The following ATP10A variants were observed in gnomAD, a reference collection of about 807,000 sequenced individuals.
The protein encoded by ATP10A is ATPase phospholipid transporting 10A (putative), also known as phospholipid-transporting ATPase VA.
A neutral mutation model predicts 147.8 loss-of-function variants in ATP10A; 111 were observed. The ratio of observed to expected loss-of-function variants is 0.75; its 90% CI spans 0.64 to 0.88. ATP10A has a LOEUF of 0.88. Ranked by LOEUF, ATP10A falls within the 40% of genes least tolerant of loss-of-function variation. The pLI is 0.00. For missense variants in ATP10A, 1,927 were observed against 1,959.0 expected, an observed-to-expected ratio of 0.98 and a Z score of 0.31; for synonymous variants, 875 against 841.6, an observed-to-expected ratio of 1.04 and a Z score of -0.69.
chr15:25,803,262 A>G (rs1891020212), intron 1 of ATP10A, among the ~76,000 whole-genome samples: 1 of 152,178 alleles, frequency 6.6e-6, no homozygotes, highest in Admixed American at 6.5e-5. Context: ...TACCTGAATG[A>G]TGCTTCGCCC....
intron 3 of ATP10A, among the ~76,000 whole-genome samples, chr15:25,733,015 G>A (rs923212401): frequency 6.6e-6 from 1 of 152,166 alleles, no homozygotes; most frequent in Non-Finnish European, 1.5e-5. Context: ...TCCCAGGGAA[G>A]AGAAAGAGCC....
chr15:25,708,513 G>T, intron 10 of ATP10A: 1 of 519,748 alleles, frequency 1.9e-6, no homozygotes, highest in Non-Finnish European at 3.4e-6. Context: ...TAGAGACAGG[G>T]TTTTGCCACG....
At chr15:25,746,169 A>C (rs1208494408) in intron 2 of ATP10A, among the ~76,000 whole-genome samples, 1 of 152,186 alleles carries the variant, frequency 6.6e-6, no homozygotes, top group Admixed American at 6.5e-5. Flanking sequence ...AAGCTGAAAA[A>C]GATATAAATG....
chr15:25,837,408 C>A (rs1892641106), intron 1 of ATP10A, among the ~76,000 whole-genome samples: 1 of 152,184 alleles, frequency 6.6e-6, no homozygotes, highest in African/African-American at 2.4e-5. Context: ...GTGAAATAAG[C>A]CAGACACAGA....
chr15:25,721,931 G>A, intron 6 of ATP10A, 22 bp from the exon 7 acceptor site: 10 of 1,606,078 alleles, frequency 6.2e-6, no homozygotes, highest in South Asian at 1.1e-5. Flanking sequence ...AAGGCACACA[G>A]GATGAATGAC....
At chr15:25,696,841 A>G (rs1328582809) in intron 13 of ATP10A, among the ~76,000 whole-genome samples, 2 of 152,230 alleles carry the variant, frequency 1.3e-5, no homozygotes, top group Non-Finnish European at 2.9e-5. Flanking sequence ...ACTCAGTCCC[A>G]GGCAATTCTG....
In ATP10A at chr15:25,723,881, GTA is replaced by G; in HGVS notation, c.1110+8_1110+9del. The G allele has an allele frequency of 6.3e-7, 1 of 1,586,398 alleles. No homozygotes were observed. Among genetic ancestry groups the G allele is most frequent in the Non-Finnish European group, 8.6e-7 (1 of 1,168,636 alleles). ...TAAAGCAATTATTGTACGATACTTA[GTA>G]TTGTTACCTGCAGAACTATTATCAT... On this transcript the variant is annotated splice_region_variant and intron_variant, in intron 6 of 20. Coordinates refer to ENST00000555815, the MANE Select transcript of ATP10A (RefSeq NM_024490.4).
intron 2 of ATP10A, among the ~76,000 whole-genome samples, chr15:25,756,844 T>C (rs937782323): frequency 6.6e-6 from 1 of 152,214 alleles, no homozygotes; most frequent in Non-Finnish European, 1.5e-5. Flanking sequence ...TATTTAACTT[T>C]AGGGTTTTTG....
intron 16 of ATP10A, among the ~76,000 whole-genome samples, chr15:25,685,780 C>A (rs183210927): frequency 0.013 from 1,914 of 149,676 alleles, 26 homozygotes; most frequent in Non-Finnish European, 0.018. Flanking sequence ...GCTAGAGTGG[C>A]GCCACTGCAC....
rs143714994 is a variant in ATP10A at position 25,782,776 on chromosome 15, C to T, written c.450-1553G>A. Reference sequence around the variant, plus strand: ...GTCATTTGTAAGAGTTCCTTGAAGGCGGTTTTGGCCATTTTTAAATAAGTG... The same window carrying T: ...GTCATTTGTAAGAGTTCCTTGAAGGTGGTTTTGGCCATTTTTAAATAAGTG... On this transcript the variant is annotated intron_variant, in intron 1 of 20. Transcript: ENST00000555815. Among the ~76,000 whole-genome samples, 214 of 152,218 alleles carry T rather than the reference C, an allele frequency of 1.4e-3. 1 individual carries two copies. The highest frequency in any genetic ancestry group is 4.8e-3 in the African/African-American group (199 of 41,554).
At chr15:25,732,330 C>T (rs1042116133) in intron 3 of ATP10A, among the ~76,000 whole-genome samples, 7 of 151,814 alleles carry the variant, frequency 4.6e-5, no homozygotes, top group South Asian at 2.1e-4. Flanking sequence ...CTGCCTCCCC[C>T]GCTCAAGTGA....
chr15:25,731,261 G>A (rs1435725738), intron 3 of ATP10A, among the ~76,000 whole-genome samples: 4 of 152,176 alleles, frequency 2.6e-5, no homozygotes, highest in Non-Finnish European at 5.9e-5. Context: ...ACTTGTATCC[G>A]ACAAAATAGA....
rs747255151 is a variant in ATP10A at position 25,862,684 on chromosome 15, T to A, written c.413A>T (p.His138Leu). 3 of 1,601,970 alleles carry A rather than the reference T, an allele frequency of 1.9e-6. No homozygotes were observed. In the Admixed American group the frequency reaches 5.1e-5, roughly 27 times the overall value. The change falls in exon 1 of 21, where the codon CAC (histidine) becomes CTC (leucine). Residue 138 changes from histidine to leucine, a missense_variant. Coordinates refer to ENST00000555815, the MANE Select transcript of ATP10A (RefSeq NM_024490.4). ...WEDYSRHRSDHKINHLGCLVF... is the reference protein window; with the variant it reads ...WEDYSRHRSDLKINHLGCLVF... The stretch of plus-strand genomic sequence containing the variant: ...CAGGCAGCCCAGGTGGTTGATCTTG[T>A]GGTCGGAGCGGTGGCGGCTGTAGTC...
chr15:25,707,299 C>T (rs771660818), intron 12 of ATP10A, among the ~76,000 whole-genome samples: 1 of 152,034 alleles, frequency 6.6e-6, no homozygotes, highest in Non-Finnish European at 1.5e-5. Context: ...GCTTTGTGCT[C>T]GAGAAGTACC....
rs765464148 is a variant in ATP10A at position 25,736,135 on chromosome 15, C to T, written c.661G>A (p.Glu221Lys). The T allele has an allele frequency of 1.1e-5, 17 of 1,612,524 alleles. 1 individual carries two copies. The highest frequency in any genetic ancestry group is 6.6e-5 in the South Asian group (6 of 91,000). ...VVRGFSELVSEFNPLTFTSVI... is the reference protein window; with the variant it reads ...VVRGFSELVSKFNPLTFTSVI... ...CTGGTGAACGTCAAAGGATTGAATTCGGAGACCTAAAATAACAGCACGTAG... is the reference window on the plus strand; with the variant it reads ...CTGGTGAACGTCAAAGGATTGAATTTGGAGACCTAAAATAACAGCACGTAG... The change falls in exon 3 of 21, where the codon GAA (glutamate) becomes AAA (lysine). Residue 221 changes from glutamate (E) to lysine (K), a missense_variant. Physicochemically the swap from Glu to Lys is moderately conservative, Grantham distance 56. Coordinates refer to ENST00000555815, the MANE Select transcript of ATP10A (RefSeq NM_024490.4).
chr15:25,727,312 C>T lies in ATP10A; in HGVS notation c.741-46G>A, dbSNP rs1205615529. 6 of 1,491,948 alleles carry T rather than the reference C, an allele frequency of 4.0e-6. No homozygotes were observed. The East Asian group carries it at 1.4e-4, about 34-fold the overall frequency. 92.4% of individuals were successfully genotyped at this position (1,491,948 alleles called of 1,614,324 possible). ...CATGTCACGTGGTTGCAGGCCTGTG[C>T]CTCATGTCTGGAGCCGCAATGCCTT... On this transcript the variant is annotated intron_variant, in intron 3 of 20. Coordinates refer to ENST00000555815, the MANE Select transcript of ATP10A (RefSeq NM_024490.4).
At chr15:25,829,900 C>T (rs1468949172) in intron 1 of ATP10A, among the ~76,000 whole-genome samples, 1 of 152,188 alleles carries the variant, frequency 6.6e-6, no homozygotes, top group Non-Finnish European at 1.5e-5. Flanking sequence ...GACAGTGAGG[C>T]TTCCAAGAAG....
intron 2 of ATP10A, among the ~76,000 whole-genome samples, chr15:25,764,966 A>G (rs138013358): frequency 2.6e-5 from 4 of 152,350 alleles, no homozygotes; most frequent in African/African-American, 9.6e-5. Flanking sequence ...ACTTCATTCT[A>G]TTAAACCTCC....
chr15:25,706,723 G>C (rs1389438702), intron 12 of ATP10A, among the ~76,000 whole-genome samples: 2 of 152,330 alleles, frequency 1.3e-5, no homozygotes, highest in East Asian at 1.9e-4. Flanking sequence ...CTGTGAAATG[G>C]CACCGGAGGG....
Sources: allele counts gnomAD v4.1 joint callset (sites outside exome capture counted in the v4.1 genomes callset), GRCh38; gene constraint gnomAD v4.1.1; transcripts MANE v1.5; gene names NCBI Gene and HGNC (gene_info 2026-07-23, HGNC 2026-07-21).